Variants in CSMD1 observed in about 807,000 individuals in gnomAD.
CSMD1 encodes the protein CUB and sushi domain-containing protein 1.
CSMD1 carries 213 observed loss-of-function variants against 417.5 expected under a neutral mutation model. That is an observed-to-expected ratio of 0.51 (90% CI 0.46 to 0.57). The LOEUF is 0.57. Among genes scored for constraint, CSMD1 ranks in the 20% least tolerant of loss-of-function variants. The probability of loss-of-function intolerance (pLI) is 0.00; values close to 1 mark genes in which losing one functional copy is unlikely to be tolerated. For missense variants in CSMD1, 6,923 were observed against 4,529.7 expected, an observed-to-expected ratio of 1.53 and a Z score of -15.17; for synonymous variants, 2,862 against 1,736.8, an observed-to-expected ratio of 1.65 and a Z score of -16.11.
intron 3 of CSMD1, among the ~76,000 whole-genome samples, chr8:4,158,447 G>C (rs527981901): frequency 2.0e-5 from 3 of 152,062 alleles, no homozygotes; most frequent in East Asian, 3.9e-4. Context: ...AAAAATCAAA[G>C]AAACAGTAAT....
intron 3 of CSMD1, among the ~76,000 whole-genome samples, chr8:4,264,205 G>T (rs1700082): frequency 1.3e-5 from 2 of 151,920 alleles, no homozygotes; most frequent in African/African-American, 2.4e-5. Flanking sequence ...GATTACCAAC[G>T]TGACTACAAT....
In CSMD1 at chr8:3,879,601, T is replaced by C. The variant is rs1806067494; in HGVS notation, c.818+118302A>G. 1.3e-5 allele frequency among the ~76,000 whole-genome samples: 2 copies of C among 152,314 alleles called. 1 individual carries two copies. The highest frequency in any genetic ancestry group is 4.1e-4 in the South Asian group (2 of 4,828). On this transcript the variant is annotated intron_variant, in intron 5 of 69. Transcript: ENST00000635120. ...CAATCACATAGCTATCAGAATGAGA[T>C]TTGCTTTTATTAACTGGTTTCAGAA...
At chr8:3,650,727 A>G (rs1402035137) in intron 7 of CSMD1, among the ~76,000 whole-genome samples, 1 of 152,216 alleles carries the variant, frequency 6.6e-6, no homozygotes, top group Non-Finnish European at 1.5e-5. Flanking sequence ...CAACGACTCA[A>G]TTCGATGACT....
At chr8:3,778,058 G>T (rs142562862) in intron 5 of CSMD1, among the ~76,000 whole-genome samples, 3 of 152,306 alleles carry the variant, frequency 2.0e-5, no homozygotes, top group African/African-American at 7.2e-5. Context: ...GGCTGTCCAC[G>T]TCCCTCCAGG....
At chr8:3,861,172 A>C (rs1804678796) in intron 5 of CSMD1, among the ~76,000 whole-genome samples, 1 of 151,586 alleles carries the variant, frequency 6.6e-6, no homozygotes, top group Non-Finnish European at 1.5e-5. Flanking sequence ...TTCCTTCATG[A>C]CTCCTCACCT....
intron 9 of CSMD1, among the ~76,000 whole-genome samples, chr8:3,579,753 T>C (rs1321269476): frequency 6.6e-6 from 1 of 152,188 alleles, no homozygotes; most frequent in African/African-American, 2.4e-5. Flanking sequence ...ACTCCACTTA[T>C]GATTGCTCTA....
chr8:4,808,580 A>T (rs1798718454), intron 1 of CSMD1, among the ~76,000 whole-genome samples: 1 of 152,190 alleles, frequency 6.6e-6, no homozygotes, highest in Non-Finnish European at 1.5e-5. Flanking sequence ...CACTTATCAT[A>T]ATGGGTGTGA....
chr8:4,821,498 C>T (rs1427148436), intron 1 of CSMD1, among the ~76,000 whole-genome samples: 2 of 152,126 alleles, frequency 1.3e-5, no homozygotes, highest in Admixed American at 6.6e-5. Context: ...ATTTCATGCA[C>T]ATTCTTCATG....
intron 3 of CSMD1, among the ~76,000 whole-genome samples, chr8:4,034,638 T>G (rs1797522781): frequency 6.6e-6 from 1 of 152,126 alleles, no homozygotes; most frequent in South Asian, 2.1e-4. Flanking sequence ...AAGACACACG[T>G]TGTATAGCCA....
intron 18 of CSMD1, among the ~76,000 whole-genome samples, chr8:3,383,275 C>G (rs1364950274): frequency 6.6e-6 from 1 of 152,254 alleles, no homozygotes; most frequent in East Asian, 1.9e-4. Context: ...TACTGCATTT[C>G]AGTCACACCT....
At chr8:4,590,476 T>G (rs1238750248) in intron 2 of CSMD1, among the ~76,000 whole-genome samples, 1 of 152,232 alleles carries the variant, frequency 6.6e-6, no homozygotes, top group Non-Finnish European at 1.5e-5. Context: ...GTATGTAGAA[T>G]GTAAATAAAA....
At chr8:4,025,136 CTG>C (rs1212336318) in intron 4 of CSMD1, among the ~76,000 whole-genome samples, 1 of 152,222 alleles carries the variant, frequency 6.6e-6, no homozygotes, top group African/African-American at 2.4e-5. Flanking sequence ...GATGTTGAGA[CTG>C]TAATTTTCCA....
rs115374263 is a variant in CSMD1, at chr8:4,075,987, T to C, written c.416-43888A>G. On this transcript the variant is annotated intron_variant, in intron 3 of 69. Coordinates refer to ENST00000635120, the MANE Select transcript of CSMD1 (RefSeq NM_033225.6). ...GTTTTAAAACATAGAATTGTTTCTT[T>C]CTCTGGGAGGGTGGAGGGGGGATAT... 5.3e-3 allele frequency among the ~76,000 whole-genome samples: 812 copies of C among 152,324 alleles called. 7 individuals carry two copies. Among genetic ancestry groups the C allele is most frequent in the African/African-American group, 0.019 (773 of 41,568 alleles).
intron 12 of CSMD1, among the ~76,000 whole-genome samples, chr8:3,465,352 G>A (rs1247439860): frequency 6.6e-6 from 1 of 152,154 alleles, no homozygotes; most frequent in African/African-American, 2.4e-5. Flanking sequence ...TGTCTTTGGG[G>A]AGTTAGAGAC....
At chr8:3,964,776 T>C (rs1424995680) in intron 5 of CSMD1, among the ~76,000 whole-genome samples, 1 of 152,236 alleles carries the variant, frequency 6.6e-6, no homozygotes, top group Non-Finnish European at 1.5e-5. Context: ...AGGACTAATG[T>C]ATCCAACAAT....
intron 5 of CSMD1, among the ~76,000 whole-genome samples, chr8:3,867,880 T>C (rs1420717377): frequency 6.6e-6 from 1 of 152,058 alleles, no homozygotes; most frequent in African/African-American, 2.4e-5. Context: ...CAGATCTTCC[T>C]GAACCGTTCC....
chr8:4,679,873 A>G (rs720665), intron 1 of CSMD1, among the ~76,000 whole-genome samples: 78,677 of 151,954 alleles, frequency 0.52, 20,549 homozygotes, highest in Admixed American at 0.62. Flanking sequence ...ATGCATAATA[A>G]ATGCAATAGA....
At chr8:3,630,010 G>A (rs1796699625) in intron 7 of CSMD1, among the ~76,000 whole-genome samples, 1 of 152,084 alleles carries the variant, frequency 6.6e-6, no homozygotes, top group South Asian at 2.1e-4. Flanking sequence ...AGGCCCCAGA[G>A]TTTTATTTGT....
At chr8:3,622,755 G>A (rs138961476) in intron 7 of CSMD1, among the ~76,000 whole-genome samples, 8 of 149,950 alleles carry the variant, frequency 5.3e-5, no homozygotes, top group Admixed American at 1.3e-4. Context: ...CACTGTATGT[G>A]CAAGGAAATG....
Sources: gnomAD v4.1 joint callset for allele counts (sites outside exome capture counted in the v4.1 genomes callset) on GRCh38, gnomAD v4.1.1 for gene constraint, MANE v1.5 for transcripts, NCBI Gene and HGNC (gene_info 2026-07-23, HGNC 2026-07-21) for gene names.